Variants in ZNF385D observed in about 807,000 individuals in gnomAD.
ZNF385D encodes the protein zinc finger protein 385D.
In ZNF385D, 15 loss-of-function variants were observed where a neutral mutation model predicts 35.8. The ratio of observed to expected loss-of-function variants is 0.42; its 90% CI spans 0.28 to 0.64. ZNF385D has a LOEUF of 0.64. Among genes scored for constraint, ZNF385D ranks in the 30% least tolerant of loss-of-function variants. The pLI is 0.23. For synonymous variants in ZNF385D, 212 were observed against 186.8 expected (o/e 1.13, Z -1.10); for missense variants, 474 against 494.6 (o/e 0.96, Z 0.39).
chr3:21,774,869 A>G (rs1253628763), intron 3 of ZNF385D, among the ~76,000 whole-genome samples: 1 of 151,894 alleles, frequency 6.6e-6, no homozygotes, highest in East Asian at 1.9e-4. Flanking sequence ...GGGAAATAGA[A>G]TGACATGAGG....
chr3:22,221,874 T>C (rs1004575589), intron 2 of ZNF385D, among the ~76,000 whole-genome samples: 4 of 152,196 alleles, frequency 2.6e-5, no homozygotes, highest in Non-Finnish European at 4.4e-5. Context: ...AATATTTCTA[T>C]GACAGAGTAG....
chr3:22,156,699 C>T (rs777989849), intron 3 of ZNF385D, among the ~76,000 whole-genome samples: 1 of 152,062 alleles, frequency 6.6e-6, no homozygotes, highest in Non-Finnish European at 1.5e-5. Context: ...CCATCTCTTT[C>T]CTCTTCCTCA....
chr3:22,064,118 T>C (rs1302942456), intron 3 of ZNF385D, among the ~76,000 whole-genome samples: 1 of 152,194 alleles, frequency 6.6e-6, no homozygotes, highest in Non-Finnish European at 1.5e-5. Context: ...AGTCTAGTTA[T>C]AGGGCTAGAA....
At chr3:21,956,276 G>A (rs1702282149) in intron 3 of ZNF385D, among the ~76,000 whole-genome samples, 1 of 151,984 alleles carries the variant, frequency 6.6e-6, no homozygotes, top group Non-Finnish European at 1.5e-5. Flanking sequence ...TATTTATCCA[G>A]AGTCCTAGAG....
chr3:22,241,941 C>A (rs1374361649), intron 2 of ZNF385D, among the ~76,000 whole-genome samples: 1 of 150,512 alleles, frequency 6.6e-6, no homozygotes, highest in Non-Finnish European at 1.5e-5. Flanking sequence ...ACAGAAGGGA[C>A]AACTACTTTA....
chr3:22,242,795 A>G (rs1005183729), intron 2 of ZNF385D, among the ~76,000 whole-genome samples: 1 of 151,168 alleles, frequency 6.6e-6, no homozygotes, highest in Non-Finnish European at 1.5e-5. Context: ...AATCTATCAT[A>G]ATTATGTAAG....
rs1429706011 is a variant in ZNF385D, at chr3:21,412,976, A to G, written c.*8238T>C. The G allele has an allele frequency of 6.6e-6, 1 of 151,756 alleles. No individual in the cohort carries two copies. The highest frequency in any genetic ancestry group is 2.4e-5 in the African/African-American group (1 of 41,236). 9.4% of individuals were successfully genotyped at this position (151,756 alleles called of 1,614,324 possible). On this transcript the variant is annotated 3_prime_UTR_variant, in exon 8 of 8. Coordinates refer to ENST00000281523, the MANE Select transcript of ZNF385D (RefSeq NM_024697.3). ...TGGGGAGATGTTATCACATGACTTA[A>G]AACAGAAGACTGGCATAAAACAAAC... is the stretch of plus-strand genomic sequence containing the variant.
chr3:22,044,527 T>C (rs1049037572), intron 3 of ZNF385D, among the ~76,000 whole-genome samples: 1 of 152,136 alleles, frequency 6.6e-6, no homozygotes, highest in Non-Finnish European at 1.5e-5. Flanking sequence ...AGAGCAATTT[T>C]TAAATAAAAA....
chr3:22,347,659 G>T (rs563094111), intron 2 of ZNF385D, among the ~76,000 whole-genome samples: 1 of 152,216 alleles, frequency 6.6e-6, no homozygotes, highest in African/African-American at 2.4e-5. Flanking sequence ...CTGTTGCTAA[G>T]ATTTAAAAAT....
chr3:21,721,609 G>C (rs534842046), intron 1 of ZNF385D, among the ~76,000 whole-genome samples: 3 of 151,972 alleles, frequency 2.0e-5, no homozygotes, highest in African/African-American at 7.2e-5. Context: ...AAATATTTTC[G>C]ATTCTTAAAT....
chr3:21,990,632 T>C (rs1450822751), intron 3 of ZNF385D, among the ~76,000 whole-genome samples: 1 of 152,230 alleles, frequency 6.6e-6, no homozygotes, highest in Non-Finnish European at 1.5e-5. Context: ...TAACTCTATC[T>C]GGCACAGGGA....
chr3:21,834,760 G>A (rs1475128924), intron 3 of ZNF385D, among the ~76,000 whole-genome samples: 2 of 79,970 alleles, frequency 2.5e-5, no homozygotes, highest in Admixed American at 1.3e-4. Flanking sequence ...GGGATCTCGT[G>A]GGAGATGAAT....
intron 3 of ZNF385D, among the ~76,000 whole-genome samples, chr3:21,998,167 A>G (rs1695601774): frequency 6.6e-6 from 1 of 152,082 alleles, no homozygotes; most frequent in Non-Finnish European, 1.5e-5. Flanking sequence ...TTTCCCAGAA[A>G]GTTAGTGAAT....
At chr3:21,643,699 CTG>C (rs755828854) in intron 2 of ZNF385D, among the ~76,000 whole-genome samples, 1 of 152,032 alleles carries the variant, frequency 6.6e-6, no homozygotes, top group Non-Finnish European at 1.5e-5. Flanking sequence ...GGAGGAATGA[CTG>C]AATATATTTC....
intron 3 of ZNF385D, among the ~76,000 whole-genome samples, chr3:22,142,919 C>T (rs1704604793): frequency 6.6e-6 from 1 of 152,034 alleles, no homozygotes; most frequent in African/African-American, 2.4e-5. Flanking sequence ...TATTAACAGT[C>T]CCAGGATACT....
At chr3:22,334,120 ATCTT>A (rs1451271886) in intron 2 of ZNF385D, among the ~76,000 whole-genome samples, 3 of 152,188 alleles carry the variant, frequency 2.0e-5, no homozygotes, top group African/African-American at 7.2e-5. Context: ...CCATATGACA[ATCTT>A]TATTTACTGT....
At chr3:22,172,972 G>A (rs989143609) in intron 2 of ZNF385D, among the ~76,000 whole-genome samples, 1 of 152,148 alleles carries the variant, frequency 6.6e-6, no homozygotes, top group Non-Finnish European at 1.5e-5. Flanking sequence ...GAAGAAACCT[G>A]ACAAATAATA....
intron 3 of ZNF385D, among the ~76,000 whole-genome samples, chr3:22,072,215 A>G (rs1010787367): frequency 2.5e-4 from 38 of 152,078 alleles, no homozygotes; most frequent in African/African-American, 8.7e-4. Flanking sequence ...AATCTGAAAA[A>G]GGATAGAATT....
intron 3 of ZNF385D, among the ~76,000 whole-genome samples, chr3:22,008,532 A>G (rs1696365522): frequency 6.6e-6 from 1 of 151,752 alleles, no homozygotes; most frequent in South Asian, 2.1e-4. Flanking sequence ...AATTTTTTGT[A>G]TTTTTAGTAG....
Sources: allele counts gnomAD v4.1 joint callset (sites outside exome capture counted in the v4.1 genomes callset), GRCh38; gene constraint gnomAD v4.1.1; transcripts MANE v1.5; gene names NCBI Gene and HGNC (gene_info 2026-07-23, HGNC 2026-07-21).